Variants in GPR149 observed in about 807,000 individuals in gnomAD.
GPR149 encodes the protein probable G protein-coupled receptor 149.
Under a neutral mutation model 50.2 loss-of-function variants are expected in GPR149, and 50 were observed. The ratio of observed to expected loss-of-function variants is 1.00; its 90% CI spans 0.79 to 1.26. The LOEUF (loss-of-function observed/expected upper bound fraction) is 1.26. Ranked by LOEUF, GPR149 falls within the 50% of genes most tolerant of loss-of-function variation. The pLI, the probability that GPR149 is intolerant of heterozygous loss-of-function variation, is 0.00. For missense variants in GPR149, 983 were observed against 895.4 expected (o/e 1.10, Z -1.25); for synonymous variants, 405 against 358.2 (o/e 1.13, Z -1.48).
At chr3:154,356,987 T>C (rs567324431) in intron 3 of GPR149, among the ~76,000 whole-genome samples, 78 of 152,236 alleles carry the variant, frequency 5.1e-4, no homozygotes, top group African/African-American at 1.8e-3. Context: ...AACAGAGATA[T>C]AGACCAATGG....
intron 3 of GPR149, among the ~76,000 whole-genome samples, chr3:154,398,321 G>T (rs1480460863): frequency 6.6e-6 from 1 of 152,124 alleles, no homozygotes; most frequent in Non-Finnish European, 1.5e-5. Context: ...TTCCTCTTGT[G>T]GTCCAGGCTT....
chr3:154,409,545 C>T (rs763857515), intron 3 of GPR149, among the ~76,000 whole-genome samples: 12 of 151,920 alleles, frequency 7.9e-5, no homozygotes, highest in Admixed American at 6.6e-5. Context: ...ACAATCACAA[C>T]TTCTGGAAAT....
chr3:154,370,748 G>T (rs1490871836), intron 3 of GPR149, among the ~76,000 whole-genome samples: 4 of 152,114 alleles, frequency 2.6e-5, no homozygotes, highest in East Asian at 1.9e-4. Context: ...TTAATCTCCT[G>T]CCCTGAACGA....
At chr3:154,378,752 A>AT (rs1240884822) in intron 3 of GPR149, among the ~76,000 whole-genome samples, 1 of 151,986 alleles carries the variant, frequency 6.6e-6, no homozygotes, top group African/African-American at 2.4e-5. Context: ...GATTGTAGCC[A>AT]TTTTTGTGGG....
intron 3 of GPR149, among the ~76,000 whole-genome samples, chr3:154,345,709 C>T (rs1163741345): frequency 6.6e-6 from 1 of 152,090 alleles, no homozygotes; most frequent in East Asian, 1.9e-4. Context: ...CCAGGTGAAT[C>T]CAGGGTGAAA....
intron 3 of GPR149, among the ~76,000 whole-genome samples, chr3:154,358,601 G>A (rs1392041449): frequency 5.3e-5 from 8 of 152,098 alleles, no homozygotes; most frequent in African/African-American, 9.7e-5. Context: ...AAGCCACTAC[G>A]CAGCCTACAA....
At chr3:154,381,623 A>G (rs1316386460) in intron 3 of GPR149, among the ~76,000 whole-genome samples, 13 of 152,218 alleles carry the variant, frequency 8.5e-5, no homozygotes, top group Admixed American at 8.5e-4. Flanking sequence ...GGTTTAAGAT[A>G]TTTAATATAA....
chr3:154,404,140 T>C (rs1711614621), intron 3 of GPR149, among the ~76,000 whole-genome samples: 1 of 152,234 alleles, frequency 6.6e-6, no homozygotes, highest in African/African-American at 2.4e-5. Context: ...TAACAATTTA[T>C]CGTACCAACA....
chr3:154,344,621 A>G (rs913788398), intron 3 of GPR149, among the ~76,000 whole-genome samples: 16 of 152,134 alleles, frequency 1.1e-4, no homozygotes, highest in Non-Finnish European at 1.9e-4. Context: ...CCTTCTAAGA[A>G]GAGGGAAATT....
intron 3 of GPR149, among the ~76,000 whole-genome samples, chr3:154,401,813 A>G (rs1711559133): frequency 6.6e-6 from 1 of 152,222 alleles, no homozygotes; most frequent in Non-Finnish European, 1.5e-5. Context: ...CAAATTACTC[A>G]TTGCAAAAGA....
At chr3:154,354,034 A>G (rs1307954389) in intron 3 of GPR149, 2 of 453,856 alleles carry the variant, frequency 4.4e-6, no homozygotes, top group Non-Finnish European at 8.4e-6. Flanking sequence ...ATATTCATCA[A>G]TATTTCCATT....
chr3:154,346,812 G>A (rs1713939068), intron 3 of GPR149, among the ~76,000 whole-genome samples: 2 of 152,070 alleles, frequency 1.3e-5, no homozygotes, highest in Admixed American at 6.6e-5. Context: ...GGCCAGGCTG[G>A]TCTTGAGCTC....
At chr3:154,393,234 A>G (rs1715211115) in intron 3 of GPR149, among the ~76,000 whole-genome samples, 1 of 152,034 alleles carries the variant, frequency 6.6e-6, no homozygotes, top group Admixed American at 6.6e-5. Flanking sequence ...TCAGACACCC[A>G]TGACCAGCTG....
intron 3 of GPR149, among the ~76,000 whole-genome samples, chr3:154,392,213 C>T (rs533617188): frequency 5.9e-5 from 9 of 151,800 alleles, no homozygotes; most frequent in Admixed American, 2.0e-4. Flanking sequence ...ACCTTCTCCT[C>T]TTTTCCAATC....
chr3:154,389,603 G>T (rs907689646), intron 3 of GPR149, among the ~76,000 whole-genome samples: 1 of 152,006 alleles, frequency 6.6e-6, no homozygotes, highest in Non-Finnish European at 1.5e-5. Context: ...AACACATGAA[G>T]CAGCCCAGCT....
Position 154,428,742 on chromosome 3 carries a change from T to G in GPR149, c.874A>C (p.Asn292His), listed in dbSNP as rs756473206. 3.1e-6 allele frequency: 5 copies of G among 1,614,072 alleles called. No homozygotes were observed. Among genetic ancestry groups the G allele is most frequent in the Non-Finnish European group, 4.2e-6 (5 of 1,180,036 alleles). ...CTGGTGCCATAGAGAGTCCCCCGGT[T>G]CTCACGCCTGCAGGCTTCAGCCCCA... ...AAGAEACRRE[N>H]RGTLYGTRSF... The change falls in exon 1 of 4, where the codon AAC (asparagine) becomes CAC (histidine). Residue 292 changes from asparagine (N) to histidine (H), a missense_variant. Physicochemically the swap from Asn to His is moderately conservative, Grantham distance 68. Transcript: ENST00000389740.
At chr3:154,400,929 T>C (rs1711537568) in intron 3 of GPR149, among the ~76,000 whole-genome samples, 1 of 152,216 alleles carries the variant, frequency 6.6e-6, no homozygotes. Flanking sequence ...GTAATATTTG[T>C]TCCAAAATGA....
At chr3:154,359,005 T>A (rs780013734) in intron 3 of GPR149, among the ~76,000 whole-genome samples, 64 of 152,308 alleles carry the variant, frequency 4.2e-4, no homozygotes, top group Non-Finnish European at 7.5e-4. Context: ...TAAGGATGAC[T>A]TCTATATCAC....
In GPR149 at chr3:154,397,486, T is replaced by G. The variant is rs533008568; in HGVS notation, c.1623+23553A>C. Among the ~76,000 whole-genome samples, 29 of 152,312 alleles carry G rather than the reference T, an allele frequency of 1.9e-4. No homozygotes were observed. The East Asian group carries it at 4.2e-3, about 22-fold the overall frequency. On this transcript the variant is annotated intron_variant, in intron 3 of 3. Transcript: ENST00000389740. ...ATTATTAAAAATAAATTATATAAACTTAAACTGAATTATATGAAAAACAAA... is the reference window on the plus strand; with the variant it reads ...ATTATTAAAAATAAATTATATAAACGTAAACTGAATTATATGAAAAACAAA...
Sources: allele counts gnomAD v4.1 joint callset (sites outside exome capture counted in the v4.1 genomes callset), GRCh38; gene constraint gnomAD v4.1.1; transcripts MANE v1.5; gene names NCBI Gene and HGNC (gene_info 2026-07-23, HGNC 2026-07-21).